DENND5A: variants seen among roughly 807,000 people sequenced by gnomAD.
DENND5A encodes the protein DENN domain-containing protein 5A.
Under a neutral mutation model 140.3 loss-of-function variants are expected in DENND5A, and 64 were observed. That is an observed-to-expected ratio of 0.46 (90% CI 0.37 to 0.56). The LOEUF is 0.56. DENND5A is among the 20% of genes least tolerant of loss of function. DENND5A has a pLI of 0.00. For missense variants in DENND5A, 1,292 were observed against 1,593.8 expected, an observed-to-expected ratio of 0.81 and a Z score of 3.22; for synonymous variants, 605 against 607.7, an observed-to-expected ratio of 1.00 and a Z score of 0.07.
intron 1 of DENND5A, among the ~76,000 whole-genome samples, chr11:9,250,283 AG>A (rs985883197): frequency 5.9e-5 from 9 of 151,936 alleles, no homozygotes; most frequent in African/African-American, 2.2e-4. Flanking sequence ...AAAAAAAAAA[AG>A]TTTCTTAGAA....
chr11:9,261,712 A>C (rs1447240002), intron 1 of DENND5A, among the ~76,000 whole-genome samples: 1 of 135,382 alleles, frequency 7.4e-6, no homozygotes, highest in Non-Finnish European at 1.5e-5. Flanking sequence ...TGGGAGACGG[A>C]GGTTTCAGTG....
At chr11:9,167,083 A>G (rs1357027299) in intron 10 of DENND5A, among the ~76,000 whole-genome samples, 2 of 152,120 alleles carry the variant, frequency 1.3e-5, no homozygotes, top group Non-Finnish European at 2.9e-5. Flanking sequence ...TATTTTGTAT[A>G]ATGTGCTGGT....
intron 1 of DENND5A, among the ~76,000 whole-genome samples, chr11:9,229,781 C>G (rs1162573409): frequency 1.3e-5 from 2 of 152,028 alleles, no homozygotes; most frequent in East Asian, 3.8e-4. Flanking sequence ...CATTAGATAA[C>G]ACCCTTTGTC....
chr11:9,170,646 T>C lies in DENND5A; in HGVS notation c.2038A>G (p.Thr680Ala), dbSNP rs771448296. Residue 680 changes from threonine (T) to alanine (A), a missense_variant, in exon 9 of 23, where the codon ACT becomes GCT. By Grantham distance (58) the Thr-to-Ala change is moderately conservative (BLOSUM62 0). Transcript: ENST00000328194. ...ACTCACTTGTTGCTGGCTGGCCCAG[T>C]GGAAAGTACATCAGACTGCAGCTTA... is the stretch of plus-strand genomic sequence containing the variant. ...FPKLQSDVLSTGPASNKWTKR... is the reference protein window; with the variant it reads ...FPKLQSDVLSAGPASNKWTKR... 2 of 1,613,612 alleles carry C rather than the reference T, an allele frequency of 1.2e-6. No individual in the cohort carries two copies. Among genetic ancestry groups the C allele is most frequent in the Non-Finnish European group, 1.7e-6 (2 of 1,179,912 alleles).
chr11:9,221,974 G>C (rs546186570), intron 1 of DENND5A, among the ~76,000 whole-genome samples: 6 of 151,026 alleles, frequency 4.0e-5, no homozygotes, highest in African/African-American at 1.5e-4. Context: ...GGCCAGGATG[G>C]TCTTGATCTC....
Position 9,144,262 on chromosome 11 carries a change from A to C in DENND5A, c.3139T>G (p.Trp1047Gly). ...GHTYKFPCGR[W>G]LGKGMDDGSL... is the part of the protein sequence containing the mutation. Reference sequence around the variant, plus strand: ...CCATCATCCATGCCCTTCCCTAACCACCGGCCACACGGGAACCTGAAGATC... The same window carrying C: ...CCATCATCCATGCCCTTCCCTAACCCCCGGCCACACGGGAACCTGAAGATC... Residue 1047 changes from tryptophan to glycine, a missense_variant, in exon 19 of 23, where the codon TGG (tryptophan) becomes GGG (glycine). Transcript: ENST00000328194. The C allele has an allele frequency of 6.2e-7, 1 of 1,613,722 alleles. No individual in the cohort carries two copies. Among genetic ancestry groups the C allele is most frequent in the Non-Finnish European group, 8.5e-7 (1 of 1,179,906 alleles).
intron 1 of DENND5A, among the ~76,000 whole-genome samples, chr11:9,251,138 CAAAAAAA>C (rs887593530): frequency 1.7e-4 from 15 of 90,022 alleles, no homozygotes; most frequent in East Asian, 4.7e-4. Context: ...CCATCTCAAA[CAAAAAAA>C]AAAAAAAAAA....
intron 4 of DENND5A, among the ~76,000 whole-genome samples, chr11:9,200,850 T>C (rs1849497613): frequency 6.6e-6 from 1 of 152,244 alleles, no homozygotes; most frequent in Admixed American, 6.5e-5. Flanking sequence ...GCCAGAGTGA[T>C]CCTGTTAAAA....
chr11:9,252,655 A>G (rs1224265759), intron 1 of DENND5A, among the ~76,000 whole-genome samples: 1 of 152,126 alleles, frequency 6.6e-6, no homozygotes, highest in Non-Finnish European at 1.5e-5. Context: ...CAAAAAAAAA[A>G]ACCAAAAAAC....
intron 1 of DENND5A, among the ~76,000 whole-genome samples, chr11:9,246,291 T>C (rs151200132): frequency 6.6e-6 from 1 of 152,162 alleles, no homozygotes; most frequent in East Asian, 1.9e-4. Flanking sequence ...CCCACTGAGG[T>C]TCCACACCGG....
At chr11:9,204,883 A>C (rs1451358262) in intron 3 of DENND5A, among the ~76,000 whole-genome samples, 1 of 152,212 alleles carries the variant, frequency 6.6e-6, no homozygotes, top group East Asian at 1.9e-4. Flanking sequence ...GTTAGAGTTC[A>C]TCAAGTACAC....
At chr11:9,260,280 C>T (rs980653287) in intron 1 of DENND5A, among the ~76,000 whole-genome samples, 3 of 151,930 alleles carry the variant, frequency 2.0e-5, no homozygotes, top group Admixed American at 6.6e-5. Context: ...GTAAGAAATA[C>T]GTCACAAGTA....
chr11:9,234,618 G>A (rs1447811219), intron 1 of DENND5A, among the ~76,000 whole-genome samples: 1 of 152,186 alleles, frequency 6.6e-6, no homozygotes, highest in African/African-American at 2.4e-5. Context: ...CCACGCTAAA[G>A]GTTACGGGTT....
intron 1 of DENND5A, among the ~76,000 whole-genome samples, chr11:9,258,002 A>G (rs1852025693): frequency 6.6e-6 from 1 of 151,660 alleles, no homozygotes; most frequent in Non-Finnish European, 1.5e-5. Flanking sequence ...CATGTTGGCC[A>G]GGCTGGTCTC....
chr11:9,171,599 G>A (rs901836635), intron 8 of DENND5A: 2 of 151,672 alleles, frequency 1.3e-5, no homozygotes, highest in African/African-American at 2.4e-5. Context: ...GATAGCTTAC[G>A]CCTGTAATCC....
chr11:9,236,216 C>T (rs568660596), intron 1 of DENND5A, among the ~76,000 whole-genome samples: 37 of 120,872 alleles, frequency 3.1e-4, no homozygotes, highest in African/African-American at 1.2e-3. Flanking sequence ...GAGGGAGACC[C>T]TGTCTCAAAA....
Position 9,152,362 on chromosome 11 carries a change from G to A in DENND5A, c.2517C>T (p.Thr839=), listed in dbSNP as rs753645214. 5.0e-6 allele frequency: 8 copies of A among 1,607,160 alleles called. No individual in the cohort carries two copies. The Admixed American group carries it at 5.0e-5, about 10-fold the overall frequency. The change falls in exon 13 of 23, where the codon ACC becomes ACT. Residue 839 remains threonine, a synonymous_variant. Transcript: ENST00000328194. ...CCATTGCAGAGACTATCTTACCTGA[G>A]GTACTGAGGCTTCCTGATGTGAGTT... ...QRKLTSGSLS[T]SGILLDSERR...
chr11:9,258,685 A>G (rs1244779901), intron 1 of DENND5A, among the ~76,000 whole-genome samples: 2 of 152,140 alleles, frequency 1.3e-5, no homozygotes, highest in African/African-American at 4.8e-5. Context: ...CCACTCATCA[A>G]AGGTCTGCAA....
At chr11:9,223,514 T>G (rs1850403828) in intron 1 of DENND5A, among the ~76,000 whole-genome samples, 1 of 152,174 alleles carries the variant, frequency 6.6e-6, no homozygotes, top group East Asian at 1.9e-4. Context: ...CACTCCAGCC[T>G]GGGCAACAGA....
Sources: allele counts gnomAD v4.1 joint callset (sites outside exome capture counted in the v4.1 genomes callset), GRCh38; gene constraint gnomAD v4.1.1; transcripts MANE v1.5; gene names NCBI Gene and HGNC (gene_info 2026-07-23, HGNC 2026-07-21).